GPM6A: variants seen among roughly 807,000 people sequenced by gnomAD.
GPM6A encodes glycoprotein M6A.
Under a neutral mutation model 32.1 loss-of-function variants are expected in GPM6A, and 7 were observed. The ratio of observed to expected loss-of-function variants is 0.22; its 90% CI spans 0.12 to 0.41. The LOEUF (loss-of-function observed/expected upper bound fraction) is 0.41, where lower values mean the gene tolerates loss of function less well. GPM6A is among the 10% of genes least tolerant of loss of function. The pLI is 1.00. For synonymous variants in GPM6A, 130 were observed against 123.4 expected (o/e 1.05, Z -0.35); for missense variants, 235 against 347.2 (o/e 0.68, Z 2.57).
At chr4:175,684,088 C>A (rs1367476907) in intron 2 of GPM6A, among the ~76,000 whole-genome samples, 3 of 152,114 alleles carry the variant, frequency 2.0e-5, no homozygotes, top group African/African-American at 7.2e-5. Flanking sequence ...CTCTGCCTCC[C>A]AAAGTGCTGG....
intron 3 of GPM6A, among the ~76,000 whole-genome samples, chr4:175,660,197 A>C (rs1742324987): frequency 6.6e-6 from 1 of 152,112 alleles, no homozygotes; most frequent in Non-Finnish European, 1.5e-5. Context: ...CAGGAGTTCA[A>C]GACCAGCCTG....
At chr4:175,929,866 G>A (rs1390117716) in intron 1 of GPM6A, among the ~76,000 whole-genome samples, 1 of 152,108 alleles carries the variant, frequency 6.6e-6, no homozygotes, top group Non-Finnish European at 1.5e-5. Context: ...GGATGATGAA[G>A]ATATCCAACA....
intron 3 of GPM6A, among the ~76,000 whole-genome samples, chr4:175,667,990 T>A (rs1410183884): frequency 6.6e-6 from 1 of 152,200 alleles, no homozygotes; most frequent in Non-Finnish European, 1.5e-5. Flanking sequence ...AAACTTTTTA[T>A]CAATTTTCCA....
At chr4:175,805,628 T>C (rs552880917) in intron 1 of GPM6A, among the ~76,000 whole-genome samples, 121 of 152,318 alleles carry the variant, frequency 7.9e-4, no homozygotes, top group African/African-American at 2.8e-3. Flanking sequence ...ATTAAACAAT[T>C]GAAACAATGT....
chr4:175,976,124 A>G (rs1224422068), intron 1 of GPM6A, among the ~76,000 whole-genome samples: 1 of 149,278 alleles, frequency 6.7e-6, no homozygotes, highest in Non-Finnish European at 1.5e-5. Context: ...TTACTTCACA[A>G]TTTTTAACAC....
At chr4:175,758,686 C>T (rs1732624657) in intron 1 of GPM6A, among the ~76,000 whole-genome samples, 1 of 152,040 alleles carries the variant, frequency 6.6e-6, no homozygotes, top group Non-Finnish European at 1.5e-5. Flanking sequence ...CAAGATTGTT[C>T]CTGGGGTTGT....
chr4:175,831,843 C>A (rs567317277), intron 1 of GPM6A, among the ~76,000 whole-genome samples: 69 of 151,302 alleles, frequency 4.6e-4, no homozygotes, highest in Admixed American at 1.4e-3. Flanking sequence ...CTCAGCCTCC[C>A]GAGTAGCTGG....
intron 3 of GPM6A, among the ~76,000 whole-genome samples, chr4:175,658,701 C>A (rs1352651392): frequency 6.6e-6 from 1 of 152,102 alleles, no homozygotes. Flanking sequence ...AATCCCTGTA[C>A]TTTCTCCTCA....
chr4:175,916,760 A>G (rs1579624660), intron 1 of GPM6A, among the ~76,000 whole-genome samples: 1 of 152,218 alleles, frequency 6.6e-6, no homozygotes, highest in African/African-American at 2.4e-5. Context: ...CTTTACTAAC[A>G]TTTTCAAGGA....
chr4:175,995,413 G>GAA (rs1425094178), intron 1 of GPM6A, among the ~76,000 whole-genome samples: 14 of 144,432 alleles, frequency 9.7e-5, no homozygotes, highest in African/African-American at 3.1e-4. Flanking sequence ...CAGTATCTAC[G>GAA]AAGCACAATA....
intron 2 of GPM6A, among the ~76,000 whole-genome samples, chr4:175,683,162 G>C (rs1743781739): frequency 6.6e-6 from 1 of 152,194 alleles, no homozygotes; most frequent in Non-Finnish European, 1.5e-5. Flanking sequence ...TGGATAGTGG[G>C]ACACAGAGTA....
At chr4:175,940,600 T>C (rs1739374613) in intron 1 of GPM6A, among the ~76,000 whole-genome samples, 1 of 152,162 alleles carries the variant, frequency 6.6e-6, no homozygotes, top group South Asian at 2.1e-4. Flanking sequence ...TTATATCTTC[T>C]TTATTTCTTC....
chr4:175,808,816 C>T (rs1039224183), intron 1 of GPM6A: 1 of 152,192 alleles, frequency 6.6e-6, no homozygotes, highest in African/African-American at 2.4e-5. Flanking sequence ...TTCTGGTATA[C>T]TCCATGTAAT....
chr4:175,783,128 A>G (rs1733675271), intron 1 of GPM6A, among the ~76,000 whole-genome samples: 1 of 152,020 alleles, frequency 6.6e-6, no homozygotes, highest in Admixed American at 6.5e-5. Context: ...TTTTTTAAAA[A>G]AGTAATTTAA....
intron 1 of GPM6A, among the ~76,000 whole-genome samples, chr4:175,772,781 C>T (rs781338441): frequency 1.3e-5 from 2 of 151,870 alleles, no homozygotes; most frequent in Non-Finnish European, 2.9e-5. Flanking sequence ...TTTTTTACAC[C>T]AAAATACAAA....
At chr4:175,680,038 C>T (rs1403741153) in intron 2 of GPM6A, among the ~76,000 whole-genome samples, 1 of 152,028 alleles carries the variant, frequency 6.6e-6, no homozygotes, top group African/African-American at 2.4e-5. Context: ...TGTGTCTTTA[C>T]CTTTAGGTCT....
intron 1 of GPM6A, among the ~76,000 whole-genome samples, chr4:175,836,636 C>T (rs1405067112): frequency 6.6e-6 from 1 of 151,754 alleles, no homozygotes; most frequent in African/African-American, 2.4e-5. Context: ...TAAAAAGAAC[C>T]AATGCAAATT....
intron 1 of GPM6A, among the ~76,000 whole-genome samples, chr4:175,873,987 AC>A (rs1284404918): frequency 5.9e-5 from 9 of 152,224 alleles, no homozygotes; most frequent in Non-Finnish European, 1.3e-4. Flanking sequence ...CATATATTAA[AC>A]AAAGTAATAA....
intron 1 of GPM6A, among the ~76,000 whole-genome samples, chr4:175,708,231 G>A (rs1176117679): frequency 6.6e-6 from 1 of 152,066 alleles, no homozygotes; most frequent in African/African-American, 2.4e-5. Context: ...AAAGAGGTGG[G>A]GTAAGGAGTA....
Sources: gnomAD v4.1 joint callset for allele counts (sites outside exome capture counted in the v4.1 genomes callset) on GRCh38, gnomAD v4.1.1 for gene constraint, MANE v1.5 for transcripts, NCBI Gene and HGNC (gene_info 2026-07-23, HGNC 2026-07-21) for gene names.